SUN1: variants seen among roughly 807,000 people sequenced by gnomAD.
SUN1 encodes Sad1 and UNC84 domain containing 1, also known as SUN domain-containing protein 1.
In SUN1, 61 loss-of-function variants were observed where a neutral mutation model predicts 103.2. The ratio of observed to expected loss-of-function variants is 0.59; its 90% CI spans 0.48 to 0.73. The LOEUF (loss-of-function observed/expected upper bound fraction) is 0.73, where lower values mean the gene tolerates loss of function less well. SUN1 is among the 30% of genes least tolerant of loss of function. SUN1 has a pLI of 0.00. For synonymous variants in SUN1, 490 were observed against 425.7 expected (o/e 1.15, Z -1.86); for missense variants, 1,052 against 1,034.6 (o/e 1.02, Z -0.23).
intron 2 of SUN1, chr7:839,240 G>A (rs573024745): frequency 1.3e-3 from 513 of 398,474 alleles, no homozygotes; most frequent in Non-Finnish European, 1.8e-3. Context: ...CTCTTCGCTG[G>A]TGCACGCCAC....
In SUN1 at chr7:817,579, G is replaced by A; in HGVS notation, c.-74+906G>A. 5 of 1,499,122 alleles carry A rather than the reference G, an allele frequency of 3.3e-6. No individual in the cohort carries two copies. The South Asian group carries it at 4.9e-5, about 15-fold the overall frequency. 92.9% of individuals were successfully genotyped at this position (1,499,122 alleles called of 1,614,324 possible). On this transcript the variant is annotated intron_variant, in intron 1 of 17. Transcript: ENST00000389574. ...GTCTGGCTCTGATTCCGGGTGGGAA[G>A]CTGCCCATAATTGTGTCTTCTAAGC...
chr7:816,194 C>G (rs1478762785), upstream of SUN1: 1 of 282,342 alleles, frequency 3.5e-6, no homozygotes, highest in Non-Finnish European at 6.4e-6. Context: ...GACCCCTCCC[C>G]CAGGTGCAGA....
At chr7:825,246 T>C (rs1454683899) in intron 1 of SUN1, among the ~76,000 whole-genome samples, 1 of 152,154 alleles carries the variant, frequency 6.6e-6, no homozygotes, top group African/African-American at 2.4e-5. Context: ...GTATTTTCAG[T>C]AGAGACAGGG....
intron 12 of SUN1, among the ~76,000 whole-genome samples, chr7:857,387 A>G (rs1177384280): frequency 1.3e-5 from 2 of 151,388 alleles, no homozygotes; most frequent in African/African-American, 4.9e-5. Context: ...GCTTTTTGAG[A>G]TATGAATTGT....
At chr7:866,792 T>A (rs1416456639) in intron 16 of SUN1, among the ~76,000 whole-genome samples, 1 of 115,692 alleles carries the variant, frequency 8.6e-6, no homozygotes, top group African/African-American at 3.4e-5. Flanking sequence ...CCCGCCCCCT[T>A]CTCCCTGGGC....
rs1585448125 is a variant in SUN1, at chr7:874,070, G to C, written c.*739G>C. 6.6e-6 allele frequency: 1 copy of C among 152,220 alleles called. No individual in the cohort carries two copies. The highest frequency in any genetic ancestry group is 2.4e-5 in the African/African-American group (1 of 41,452). 9.4% of individuals were successfully genotyped at this position (152,220 alleles called of 1,614,324 possible). ...CTCTGGTCTCAGCAAGGCTTTTCCTGTTGGGAGTCACAGTAAACAGAAACC... is the reference window on the plus strand; with the variant it reads ...CTCTGGTCTCAGCAAGGCTTTTCCTCTTGGGAGTCACAGTAAACAGAAACC... On this transcript the variant is annotated 3_prime_UTR_variant, in exon 19 of 19. Transcript: ENST00000401592.
intron 11 of SUN1, among the ~76,000 whole-genome samples, chr7:855,388 A>G (rs1489992939): frequency 2.0e-5 from 3 of 152,188 alleles, no homozygotes; most frequent in East Asian, 1.9e-4. Flanking sequence ...CTTTTGACAG[A>G]CAGCACTAGC....
At chr7:863,014 C>T (rs536450861) in intron 15 of SUN1, among the ~76,000 whole-genome samples, 7 of 152,178 alleles carry the variant, frequency 4.6e-5, no homozygotes, top group African/African-American at 1.7e-4. Context: ...TGGTGGTGGG[C>T]GCCTGTAGTC....
At chr7:872,324 G>A (rs532041941) in intron 17 of SUN1, 146 bp from the exon 18 acceptor site, 52 of 661,494 alleles carry the variant, frequency 7.9e-5, no homozygotes, top group African/African-American at 7.2e-4. Flanking sequence ...GGAAGGCCTC[G>A]TGACTGCCAT....
At chr7:831,971 G>GA (rs977768204), upstream of SUN1, 16 of 905,422 alleles carry the variant, frequency 1.8e-5, no homozygotes, top group African/African-American at 2.9e-4. Flanking sequence ...TTTTGGTGAG[G>GA]AAAAAAGTGT....
chr7:865,975 T>C lies in SUN1; in HGVS notation c.1888T>C (p.Cys630Arg). The C allele has an allele frequency of 6.2e-7, 1 of 1,614,196 alleles. No individual in the cohort carries two copies. The highest frequency in any genetic ancestry group is 8.5e-7 in the Non-Finnish European group (1 of 1,180,024). ...SGGGSILSTR[C>R]SETYETKTAL... is the part of the protein sequence containing the mutation. Reference sequence around the variant, plus strand: ...AGGTGGCAGCATCTTGAGTACTCGCTGTTCTGAAACTTACGAAACCAAAAC... The same window carrying C: ...AGGTGGCAGCATCTTGAGTACTCGCCGTTCTGAAACTTACGAAACCAAAAC... The change falls in exon 16 of 19, where the codon TGT becomes CGT. Residue 630 changes from cysteine (C) to arginine (R), a missense_variant. Cys to Arg is a radical substitution (Grantham distance 180). Coordinates refer to ENST00000401592, the MANE Select transcript of SUN1 (RefSeq NM_001130965.3).
intron 1 of SUN1, among the ~76,000 whole-genome samples, chr7:837,941 A>G (rs1184009649): frequency 6.6e-6 from 1 of 152,256 alleles, no homozygotes; most frequent in African/African-American, 2.4e-5. Context: ...AGTCATCAGC[A>G]TTCAACATAG....
upstream of SUN1, chr7:815,831 C>T (rs1780194720): frequency 4.8e-6 from 1 of 208,726 alleles, no homozygotes; most frequent in East Asian, 1.9e-4. Context: ...GGAGCCCGGC[C>T]TGCGAGCGCC....
At chr7:842,198 A>C (rs1810720594) in intron 3 of SUN1, 68 bp downstream of exon 3, 5 of 1,551,054 alleles carry the variant, frequency 3.2e-6, no homozygotes, top group Non-Finnish European at 4.4e-6. Context: ...TGCTGGGGAG[A>C]GGGGAGGCGG....
Position 849,678 on chromosome 7 carries a change from A to T in SUN1, c.659-1706A>T, listed in dbSNP as rs548967340. The stretch of plus-strand genomic sequence containing the variant: ...ACACGCTGTCATGTTGGGTACTAGC[A>T]GTAGAGAATGAACGGCCCGTGTGAC... On this transcript the variant is annotated intron_variant, in intron 5 of 18. Transcript: ENST00000401592. The T allele has an allele frequency of 2.7e-6, 4 of 1,474,152 alleles. No homozygotes were observed. The East Asian group carries it at 9.5e-5, about 35-fold the overall frequency. The allele number at this position is 1,474,152 out of a possible 1,614,324, so 91.3% of individuals were successfully genotyped here.
upstream of SUN1, among the ~76,000 whole-genome samples, chr7:828,327 A>G (rs1047797491): frequency 2.0e-5 from 3 of 151,918 alleles, no homozygotes; most frequent in Admixed American, 1.3e-4. Flanking sequence ...GCTGGAGTGC[A>G]GTGGTGCTGT....
chr7:838,861 T>A lies in SUN1; in HGVS notation c.141T>A (p.Asp47Glu). 1 of 1,592,220 alleles carries A rather than the reference T, an allele frequency of 6.3e-7. No homozygotes were observed. Among genetic ancestry groups the A allele is most frequent in the Non-Finnish European group, 8.6e-7 (1 of 1,169,074 alleles). ...AGCACAAATTGGACCCTGTATTTGA[T>A]TCTCCACGGATGTCCCGCCGTAGTT... ...ETEHKLDPVF[D>E]SPRMSRRSLR... is the part of the protein sequence containing the mutation. Residue 47 changes from aspartate to glutamate, a missense_variant, in exon 2 of 19, where the codon GAT becomes GAA. Physicochemically the swap from Asp to Glu is conservative, Grantham distance 45. This residue lies in a region of SUN1 where 846 missense variants were observed against 774.5 expected (regional missense o/e 1.09). Transcript: ENST00000401592.
rs3935012 is a variant in SUN1, at chr7:874,574, T to G, written c.*1243T>G. 705 of 152,666 alleles carry G rather than the reference T, an allele frequency of 4.6e-3. 1 individual carries two copies. Among genetic ancestry groups the G allele is most frequent in the South Asian group, 0.024 (118 of 4,828 alleles). The allele number at this position is 152,666 out of a possible 1,614,324, so 9.5% of individuals were successfully genotyped here. A position where few individuals can be genotyped will look rare whatever the true frequency, so the allele number is the denominator to read the frequency against. ...ACAACAGTCCTCAAATACACTGATG[T>G]ATGAAACTATTCATACATCAAGCAG... On this transcript the variant is annotated 3_prime_UTR_variant, in exon 19 of 19. Coordinates refer to ENST00000401592, the MANE Select transcript of SUN1 (RefSeq NM_001130965.3).
chr7:846,399 G>A (rs1027471222), intron 5 of SUN1, among the ~76,000 whole-genome samples: 2 of 152,028 alleles, frequency 1.3e-5, no homozygotes, highest in Non-Finnish European at 2.9e-5. Context: ...GAGTCACCAT[G>A]CCCAGCCCAA....
Sources: allele counts gnomAD v4.1 joint callset (sites outside exome capture counted in the v4.1 genomes callset), GRCh38; gene constraint gnomAD v4.1.1; regional missense constraint gnomAD v4.1.1; transcripts MANE v1.5; gene names NCBI Gene and HGNC (gene_info 2026-07-23, HGNC 2026-07-21).